The following TTC28 variants were observed in gnomAD, a reference collection of about 807,000 sequenced individuals.
TTC28 encodes tetratricopeptide repeat protein 28.
Under a neutral mutation model 198.0 loss-of-function variants are expected in TTC28, and 61 were observed. The observed-to-expected ratio is 0.31, with a 90% CI of 0.25 to 0.38. The LOEUF (loss-of-function observed/expected upper bound fraction) is 0.38. Ranked by LOEUF, TTC28 falls within the 10% of genes least tolerant of loss-of-function variation. The pLI, the probability that TTC28 is intolerant of heterozygous loss-of-function variation, is 1.00. For synonymous variants in TTC28, 1,171 were observed against 1,297.8 expected, an observed-to-expected ratio of 0.90 and a Z score of 2.10; for missense variants, 2,678 against 3,164.0, an observed-to-expected ratio of 0.85 and a Z score of 3.69.
At chr22:28,260,948 G>C (rs16986219) in intron 5 of TTC28, among the ~76,000 whole-genome samples, 2,366 of 152,240 alleles carry the variant, frequency 0.016, 82 homozygotes, top group African/African-American at 0.055. Flanking sequence ...AAAGGAGACT[G>C]TCACCACATT....
chr22:28,346,379 C>T (rs1386830099), intron 2 of TTC28, among the ~76,000 whole-genome samples: 2 of 152,192 alleles, frequency 1.3e-5, no homozygotes, highest in Non-Finnish European at 2.9e-5. Flanking sequence ...GGGACAAAGA[C>T]ATGTACTGGC....
At chr22:28,567,139 CG>C (rs1447960509) in intron 2 of TTC28, among the ~76,000 whole-genome samples, 1 of 150,286 alleles carries the variant, frequency 6.7e-6, no homozygotes, top group Non-Finnish European at 1.5e-5. Context: ...AGCTTGAACC[CG>C]GAAGGCAGAG....
In TTC28 at chr22:28,306,520, C is replaced by T; in HGVS notation, c.505G>A (p.Ala169Thr). Residue 169 changes from alanine to threonine, a missense_variant, in exon 3 of 23, where the codon GCC becomes ACC. Around this residue, in one of 8 missense-constraint regions of TTC28, gnomAD observed 176 missense variants for 197.9 expected, o/e 0.89. Transcript: ENST00000397906. ...SLQLLVGMVE[A>T]AMKSPMRDSL... ...CCTCTCATGGGAGATTTCATGGCGG[C>T]TTCCACCATCCCCACCAGAAGCTGG... is the stretch of plus-strand genomic sequence containing the variant. 4 of 1,550,468 alleles carry T rather than the reference C, an allele frequency of 2.6e-6. No homozygotes were observed. Among genetic ancestry groups the T allele is most frequent in the Non-Finnish European group, 3.5e-6 (4 of 1,146,666 alleles).
chr22:28,174,125 A>G (rs188479509), intron 5 of TTC28, among the ~76,000 whole-genome samples: 186 of 152,306 alleles, frequency 1.2e-3, no homozygotes, highest in Non-Finnish European at 1.9e-3. Flanking sequence ...AAGAATAAGG[A>G]TAGACTCTGG....
chr22:28,366,121 T>C (rs1356273452), intron 2 of TTC28, among the ~76,000 whole-genome samples: 1 of 152,228 alleles, frequency 6.6e-6, no homozygotes, highest in Middle Eastern at 3.2e-3. Flanking sequence ...AATACCATTC[T>C]ATTTTCCTCT....
At chr22:28,639,709 T>C (rs2051332051) in intron 1 of TTC28, among the ~76,000 whole-genome samples, 1 of 152,210 alleles carries the variant, frequency 6.6e-6, no homozygotes, top group Non-Finnish European at 1.5e-5. Context: ...TCCACCATGA[T>C]TGTGAGGACT....
chr22:28,485,469 T>C (rs763122510), intron 2 of TTC28, among the ~76,000 whole-genome samples: 11 of 152,184 alleles, frequency 7.2e-5, no homozygotes, highest in Admixed American at 2.0e-4. Context: ...GTATTTTCCA[T>C]ATCGTTTGTC....
At chr22:28,043,595 T>A (rs1308421586) in intron 12 of TTC28, among the ~76,000 whole-genome samples, 1 of 152,124 alleles carries the variant, frequency 6.6e-6, no homozygotes, top group African/African-American at 2.4e-5. Flanking sequence ...AGAACCAGAC[T>A]GCCTCCCACA....
intron 13 of TTC28, among the ~76,000 whole-genome samples, chr22:28,022,983 T>C (rs1938673863): frequency 6.6e-6 from 1 of 152,192 alleles, no homozygotes; most frequent in South Asian, 2.1e-4. Context: ...TTAATTGCCA[T>C]GTGCCTGGCT....
intron 5 of TTC28, among the ~76,000 whole-genome samples, chr22:28,287,703 G>A (rs1261593341): frequency 2.6e-5 from 4 of 152,252 alleles, no homozygotes; most frequent in African/African-American, 7.2e-5. Flanking sequence ...AGGTTATGAA[G>A]GGGTTTGGAC....
intron 5 of TTC28, among the ~76,000 whole-genome samples, chr22:28,253,795 A>G (rs1301747075): frequency 6.6e-6 from 1 of 152,184 alleles, no homozygotes; most frequent in East Asian, 1.9e-4. Context: ...AAATGATGGT[A>G]TCATTAAGCA....
chr22:28,205,100 T>C (rs1165545615), intron 5 of TTC28, among the ~76,000 whole-genome samples: 1 of 152,084 alleles, frequency 6.6e-6, no homozygotes, highest in Non-Finnish European at 1.5e-5. Flanking sequence ...ACCTATAGTG[T>C]TTTCATGTTT....
chr22:28,609,417 G>A (rs757697305), intron 2 of TTC28, among the ~76,000 whole-genome samples: 14 of 152,302 alleles, frequency 9.2e-5, no homozygotes, highest in Non-Finnish European at 1.9e-4. Flanking sequence ...GACAGTGGGT[G>A]CAGCCCACAG....
At chr22:28,203,743 C>T (rs545754354) in intron 5 of TTC28, among the ~76,000 whole-genome samples, 10 of 152,202 alleles carry the variant, frequency 6.6e-5, no homozygotes, top group African/African-American at 2.4e-4. Flanking sequence ...CATCTCAGTA[C>T]AATTTTGTTA....
chr22:28,271,473 C>T (rs774730256), intron 5 of TTC28, among the ~76,000 whole-genome samples: 10 of 152,014 alleles, frequency 6.6e-5, no homozygotes, highest in South Asian at 2.1e-4. Context: ...TGGCTGTGTC[C>T]CCACCCAAAT....
At chr22:28,465,126 G>A (rs1400228369) in intron 2 of TTC28, among the ~76,000 whole-genome samples, 1 of 152,108 alleles carries the variant, frequency 6.6e-6, no homozygotes, top group East Asian at 1.9e-4. Flanking sequence ...TTTACAAACT[G>A]GTTTGTCTCA....
intron 5 of TTC28, among the ~76,000 whole-genome samples, chr22:28,204,173 TC>T (rs1004090028): frequency 2.0e-5 from 3 of 152,136 alleles, no homozygotes; most frequent in African/African-American, 7.2e-5. Flanking sequence ...TCCCTATGTA[TC>T]CCGGATTAAA....
chr22:28,309,447 C>T (rs2045210150), intron 2 of TTC28, among the ~76,000 whole-genome samples: 1 of 152,124 alleles, frequency 6.6e-6, no homozygotes, highest in South Asian at 2.1e-4. Flanking sequence ...TAACAGCCAC[C>T]CATAGGCTTG....
chr22:28,369,369 T>C (rs1256961399), intron 2 of TTC28, among the ~76,000 whole-genome samples: 1 of 152,172 alleles, frequency 6.6e-6, no homozygotes, highest in Admixed American at 6.5e-5. Context: ...GATAAATCAT[T>C]AAACTATTGA....
Sources: allele counts gnomAD v4.1 joint callset (sites outside exome capture counted in the v4.1 genomes callset), GRCh38; gene constraint gnomAD v4.1.1; regional missense constraint gnomAD v4.1.1; transcripts MANE v1.5; gene names NCBI Gene and HGNC (gene_info 2026-07-23, HGNC 2026-07-21).